Variants in DNAH17 observed in about 807,000 individuals in gnomAD.
DNAH17 encodes dynein axonemal heavy chain 17.
DNAH17 carries 376 observed loss-of-function variants against 485.6 expected under a neutral mutation model. The observed-to-expected ratio is 0.77, with a 90% CI of 0.71 to 0.84. The LOEUF (loss-of-function observed/expected upper bound fraction) is 0.84. DNAH17 is among the 40% of genes least tolerant of loss of function. DNAH17 has a pLI of 0.00. For synonymous variants in DNAH17, 3,031 were observed against 2,405.9 expected, an observed-to-expected ratio of 1.26 and a Z score of -7.60; for missense variants, 6,370 against 5,839.3, an observed-to-expected ratio of 1.09 and a Z score of -2.96.
intron 18 of DNAH17, among the ~76,000 whole-genome samples, chr17:78,538,201 A>G (rs1428206854): frequency 1.3e-5 from 2 of 151,200 alleles, no homozygotes; most frequent in Non-Finnish European, 2.9e-5. Context: ...GGGTTACTAC[A>G]GGGGCTAAAT....
rs993163014 is a variant in DNAH17 at position 78,539,733 on chromosome 17, T to C, written c.2676+4A>G. On this transcript the variant is annotated splice_donor_region_variant and intron_variant, in intron 18 of 80. Transcript: ENST00000389840. Reference sequence around the variant, plus strand: ...AAATATATTACCTTATGTTGATAACTTACATCTATAACCATGTTGTCCATT... The same window carrying C: ...AAATATATTACCTTATGTTGATAACCTACATCTATAACCATGTTGTCCATT... 4 of 1,604,464 alleles carry C rather than the reference T, an allele frequency of 2.5e-6. No individual in the cohort carries two copies. The Middle Eastern group carries it at 5.0e-4, about 200-fold the overall frequency.
intron 48 of DNAH17, among the ~76,000 whole-genome samples, chr17:78,481,475 A>G (rs1428876780): frequency 6.6e-6 from 1 of 152,148 alleles, no homozygotes; most frequent in Non-Finnish European, 1.5e-5. Flanking sequence ...CAAGAGGCAA[A>G]AGAGTGGCTC....
chr17:78,553,322 G>T (rs2091951541), intron 14 of DNAH17, among the ~76,000 whole-genome samples: 10 of 50,876 alleles, frequency 2.0e-4, no homozygotes, highest in Admixed American at 6.5e-4. Context: ...TTTTTTTTAA[G>T]ATGGAGTCTC....
intron 54 of DNAH17, among the ~76,000 whole-genome samples, chr17:78,471,044 G>C (rs1236192774): frequency 6.6e-6 from 1 of 152,204 alleles, no homozygotes; most frequent in African/African-American, 2.4e-5. Flanking sequence ...GTAGTGATGT[G>C]TATTTCCAGC....
intron 34 of DNAH17, 119 bp from the exon 35 acceptor site, chr17:78,501,463 T>C (rs2090286681): frequency 1.6e-6 from 2 of 1,257,292 alleles, no homozygotes; most frequent in East Asian, 5.0e-5. Context: ...TCCCTGGCCC[T>C]CTTTCCCCCT....
rs77203437 is a variant in DNAH17 at position 78,531,982 on chromosome 17, A to G, written c.3114+500T>C. ...ACAATTCACCTGGGGGTGTGGTTTC[A>G]TATGCAAATGAGCCAACCCGGAGCC... is the stretch of plus-strand genomic sequence containing the variant. On this transcript the variant is annotated intron_variant, in intron 20 of 80. Coordinates refer to ENST00000389840, the MANE Select transcript of DNAH17 (RefSeq NM_173628.4). Among the ~76,000 whole-genome samples the G allele has an allele frequency of 2.6e-3, 393 of 152,300 alleles. 1 individual carries two copies. The highest frequency in any genetic ancestry group is 4.5e-3 in the Non-Finnish European group (309 of 68,024).
intron 51 of DNAH17, among the ~76,000 whole-genome samples, chr17:78,478,339 T>C (rs1421102705): frequency 1.5e-5 from 2 of 135,788 alleles, no homozygotes; most frequent in East Asian, 2.4e-4. Flanking sequence ...ATTATCACCA[T>C]CACATCACCC....
chr17:78,574,716 C>A lies in DNAH17; in HGVS notation c.342G>T (p.Glu114Asp). The A allele has an allele frequency of 6.3e-7, 1 of 1,599,756 alleles. No individual in the cohort carries two copies. Among genetic ancestry groups the A allele is most frequent in the Non-Finnish European group, 8.5e-7 (1 of 1,171,098 alleles). ...TPVDQLIAVV[E>D]EVLSSLLNQS... ...ATGGCAGCCTGGACGCACTCACCTCCTCCACCACCGCGATCAGCTGGTCCA... is the reference window on the plus strand; with the variant it reads ...ATGGCAGCCTGGACGCACTCACCTCATCCACCACCGCGATCAGCTGGTCCA... The change falls in exon 2 of 81, where the codon GAG (glutamate) becomes GAT (aspartate). Residue 114 changes from glutamate (E) to aspartate (D), a missense_variant. By Grantham distance (45) the Glu-to-Asp change is conservative. Transcript: ENST00000389840.
rs202011668 is a variant in DNAH17 at position 78,522,859 on chromosome 17, T to TTC, written c.3864+2149_3864+2150insGA. 6.2e-4 allele frequency: 78 copies of TTC among 125,724 alleles called. 1 individual carries two copies. Among genetic ancestry groups the TTC allele is most frequent in the South Asian group, 2.3e-3 (9 of 3,936 alleles). 7.8% of individuals were successfully genotyped at this position (125,724 alleles called of 1,614,324 possible). ...TCTTCCTTTCTTTCCTTTTTCTTTC[T>TTC]TTTTTTTTTTTGAGATGTGGTTTCA... On this transcript the variant is annotated intron_variant, in intron 25 of 80. Transcript: ENST00000389840.
chr17:78,539,620 T>C, intron 18 of DNAH17, 117 bp downstream of exon 18: 1 of 954,778 alleles, frequency 1.0e-6, no homozygotes, highest in Non-Finnish European at 1.5e-6. Context: ...GCATAAGATA[T>C]ATTTTAATAA....
chr17:78,486,840 A>G (rs1405602143), intron 44 of DNAH17, among the ~76,000 whole-genome samples: 1 of 152,188 alleles, frequency 6.6e-6, no homozygotes, highest in Non-Finnish European at 1.5e-5. Context: ...AGAACAGAAA[A>G]GGAGAAAGAT....
chr17:78,442,663 T>C (rs1041337040), intron 71 of DNAH17, among the ~76,000 whole-genome samples: 6 of 152,224 alleles, frequency 3.9e-5, no homozygotes, highest in Non-Finnish European at 8.8e-5. Context: ...ACCTCTGACA[T>C]GGTGGCTTTG....
At chr17:78,431,899 C>G (rs1011679912) in intron 75 of DNAH17, among the ~76,000 whole-genome samples, 1 of 152,044 alleles carries the variant, frequency 6.6e-6, no homozygotes, top group Admixed American at 6.5e-5. Context: ...TGGCCAGGTG[C>G]GGTGGCTCAC....
chr17:78,547,962 C>T (rs2091809789), intron 16 of DNAH17, among the ~76,000 whole-genome samples: 1 of 152,088 alleles, frequency 6.6e-6, no homozygotes, highest in South Asian at 2.1e-4. Context: ...TTGTTCGTCT[C>T]CCTCATCTTA....
Position 78,561,970 on chromosome 17 carries a change from A to G in DNAH17, c.1580T>C (p.Met527Thr), listed in dbSNP as rs61741385. The stretch of plus-strand genomic sequence containing the variant: ...GGGCCGCTCCATGAGGCCCCCACAC[A>G]TGTACAGGAGCTGAGGACAAAGGAG... ...CIKSSAKLLY[M>T]CGGLMERPLI... Residue 527 changes from methionine to threonine, a missense_variant, in exon 12 of 81, where the codon ATG becomes ACG. Transcript: ENST00000389840. 1,904 of 1,602,040 alleles carry G rather than the reference A, an allele frequency of 1.2e-3. 15 individuals are homozygous for G. In the African/African-American group the frequency reaches 0.022, roughly 19 times the overall value.
In DNAH17 at chr17:78,552,693, G is replaced by A. The variant is rs183021413; in HGVS notation, c.2287+4C>T. 3,579 of 1,610,488 alleles carry A rather than the reference G, an allele frequency of 2.2e-3. 7 individuals are homozygous for A. The highest frequency in any genetic ancestry group is 2.8e-3 in the Non-Finnish European group (3,322 of 1,176,744). ...CCAATGTGGGAGGAATGTGGCCTCC[G>A]TACCTTCGCCATTCCAGAATAATGT... On this transcript the variant is annotated splice_donor_region_variant and intron_variant, in intron 15 of 80. Coordinates refer to ENST00000389840, the MANE Select transcript of DNAH17 (RefSeq NM_173628.4).
At chr17:78,533,138 T>C (rs2091285322) in intron 19 of DNAH17, 1 of 196,200 alleles carries the variant, frequency 5.1e-6, no homozygotes, top group South Asian at 9.7e-5. Context: ...GTGACGTTTG[T>C]CTGGGGAACC....
chr17:78,460,400 G>A (rs1001757730), intron 58 of DNAH17, 143 bp from the exon 59 acceptor site: 23 of 669,928 alleles, frequency 3.4e-5, no homozygotes, highest in African/African-American at 3.1e-4. Context: ...ATGTGCATGA[G>A]TGTATGTGTG....
chr17:78,488,892 C>A (rs1057318063), intron 44 of DNAH17, among the ~76,000 whole-genome samples: 4 of 152,004 alleles, frequency 2.6e-5, no homozygotes, highest in African/African-American at 9.7e-5. Flanking sequence ...CCGCCGAGAG[C>A]CCCCAGGAGC....
Sources: allele counts gnomAD v4.1 joint callset (sites outside exome capture counted in the v4.1 genomes callset), GRCh38; gene constraint gnomAD v4.1.1; transcripts MANE v1.5; gene names NCBI Gene and HGNC (gene_info 2026-07-23, HGNC 2026-07-21).